WDPCP: variants seen among roughly 807,000 people sequenced by gnomAD.
WDPCP encodes WD repeat-containing and planar cell polarity effector protein fritz homolog.
Under a neutral mutation model 93.1 loss-of-function variants are expected in WDPCP, and 71 were observed. That is an observed-to-expected ratio of 0.76 (90% CI 0.63 to 0.93). The LOEUF (loss-of-function observed/expected upper bound fraction) is 0.93, where lower values mean the gene tolerates loss of function less well. Among genes scored for constraint, WDPCP ranks in the 40% least tolerant of loss-of-function variants. The pLI is 0.00. For synonymous variants in WDPCP, 315 were observed against 315.0 expected (o/e 1.00, Z 0.00); for missense variants, 844 against 887.4 (o/e 0.95, Z 0.62).
intron 8 of WDPCP, among the ~76,000 whole-genome samples, chr2:63,436,442 T>G (rs1335565859): frequency 6.6e-6 from 1 of 152,112 alleles, no homozygotes; most frequent in East Asian, 1.9e-4. Context: ...AATCCTCCCA[T>G]GCTACCACCA....
intron 2 of WDPCP, among the ~76,000 whole-genome samples, chr2:63,690,401 C>T (rs1233005745): frequency 9.9e-5 from 15 of 151,928 alleles, no homozygotes; most frequent in Admixed American, 9.2e-4. Context: ...TTTTTCACAC[C>T]ATCCCAGTAA....
chr2:63,434,410 AC>A (rs1172940082), intron 8 of WDPCP, among the ~76,000 whole-genome samples: 8 of 152,346 alleles, frequency 5.3e-5, no homozygotes, highest in Middle Eastern at 6.8e-3. Context: ...TGCGACGTAT[AC>A]ACATATATTC....
chr2:63,142,915 CATACAT>C (rs1352776659), intron 17 of WDPCP, among the ~76,000 whole-genome samples: 12 of 132,194 alleles, frequency 9.1e-5, no homozygotes, highest in Non-Finnish European at 1.6e-4. Context: ...TATATATACA[CATACAT>C]ATACACACAC....
rs2104564759 is a variant in WDPCP at position 63,352,426 on chromosome 2, T to A, written c.1748+25960A>T. 2.6e-5 allele frequency among the ~76,000 whole-genome samples: 4 copies of A among 152,356 alleles called. No individual in the cohort carries two copies. In the South Asian group the frequency reaches 8.3e-4, roughly 32 times the overall value. The stretch of plus-strand genomic sequence containing the variant: ...CAACAAATTCATGAGATTACAGTGA[T>A]AAATTAATGTATGGCAATAAATATG... On this transcript the variant is annotated intron_variant, in intron 12 of 17. Transcript: ENST00000272321.
intron 2 of WDPCP, among the ~76,000 whole-genome samples, chr2:63,801,458 A>G (rs538010978): frequency 3.3e-5 from 5 of 152,278 alleles, no homozygotes; most frequent in Admixed American, 3.3e-4. Flanking sequence ...CATGAAGAGC[A>G]AAAGAACAAA....
chr2:63,272,318 A>G (rs1488182644), intron 13 of WDPCP, among the ~76,000 whole-genome samples: 2 of 152,114 alleles, frequency 1.3e-5, no homozygotes, highest in Admixed American at 6.5e-5. Context: ...AACCTACCCA[A>G]CCAACACTAT....
At chr2:63,231,864 C>A (rs1270120230) in intron 14 of WDPCP, among the ~76,000 whole-genome samples, 1 of 152,162 alleles carries the variant, frequency 6.6e-6, no homozygotes, top group South Asian at 2.1e-4. Flanking sequence ...AAAGAGCCCA[C>A]ATTGCCAAGA....
At chr2:63,317,001 T>G (rs1469477753) in intron 12 of WDPCP, among the ~76,000 whole-genome samples, 1 of 152,062 alleles carries the variant, frequency 6.6e-6, no homozygotes, top group Non-Finnish European at 1.5e-5. Context: ...AGGTGAAAGA[T>G]CTCTACAATG....
At chr2:63,597,392 T>C (rs763798440) in intron 3 of WDPCP, 3 of 1,364,894 alleles carry the variant, frequency 2.2e-6, no homozygotes, top group Non-Finnish European at 1.9e-6. Flanking sequence ...TATTGCCATG[T>C]CCACAGATGT....
At chr2:63,736,532 G>A (rs1669642512) in intron 2 of WDPCP, among the ~76,000 whole-genome samples, 3 of 152,282 alleles carry the variant, frequency 2.0e-5, no homozygotes, top group African/African-American at 2.4e-5. Context: ...CACCAAATAT[G>A]TTTTTAATAG....
chr2:63,242,625 A>T (rs1027396373), intron 14 of WDPCP, among the ~76,000 whole-genome samples: 21 of 152,186 alleles, frequency 1.4e-4, no homozygotes, highest in Admixed American at 5.2e-4. Context: ...TTGTCTCTAA[A>T]AAATAAATAA....
chr2:63,632,691 T>C (rs1239680623), intron 3 of WDPCP, among the ~76,000 whole-genome samples: 1 of 151,918 alleles, frequency 6.6e-6, no homozygotes, highest in Non-Finnish European at 1.5e-5. Flanking sequence ...AAAAGGAAAT[T>C]TTTAAAAGTG....
intron 1 of WDPCP, among the ~76,000 whole-genome samples, chr2:63,499,995 T>C (rs971325281): frequency 2.0e-5 from 3 of 152,196 alleles, no homozygotes; most frequent in Non-Finnish European, 4.4e-5. Context: ...TCTTAAACTG[T>C]GATTCAACTT....
intron 13 of WDPCP, among the ~76,000 whole-genome samples, chr2:63,281,139 A>C (rs1435645387): frequency 2.6e-5 from 4 of 152,138 alleles, no homozygotes; most frequent in East Asian, 1.9e-4. Context: ...AGAAAAAAAA[A>C]CCCAACAATC....
chr2:63,702,438 TA>T (rs1451956551), intron 2 of WDPCP, among the ~76,000 whole-genome samples: 1 of 152,192 alleles, frequency 6.6e-6, no homozygotes, highest in Admixed American at 6.5e-5. Context: ...AAGTAGAATT[TA>T]AAAAAGTTTT....
At chr2:63,498,610 T>C (rs1261137951) in intron 1 of WDPCP, among the ~76,000 whole-genome samples, 1 of 152,150 alleles carries the variant, frequency 6.6e-6, no homozygotes, top group Non-Finnish European at 1.5e-5. Flanking sequence ...TTTTGAAAAA[T>C]AAATGTTTTA....
At chr2:63,458,309 A>G (rs970378966) in intron 6 of WDPCP, among the ~76,000 whole-genome samples, 1 of 152,034 alleles carries the variant, frequency 6.6e-6, no homozygotes, top group Non-Finnish European at 1.5e-5. Flanking sequence ...ACATGATTTT[A>G]TATCTAGAAA....
In WDPCP at chr2:63,404,401, A is replaced by T; in HGVS notation, c.1082T>A (p.Leu361Gln). ...KLILGCEDSS[L>Q]ILYETHRRVT... Reference sequence around the variant, plus strand: ...TCTACGGTGAGTTTCATAAAGAATTAGCGAAGAATCTTCACAGCCCAGAAT... The same window carrying T: ...TCTACGGTGAGTTTCATAAAGAATTTGCGAAGAATCTTCACAGCCCAGAAT... The change falls in exon 10 of 18, where the codon CTA becomes CAA. Residue 361 changes from leucine to glutamine, a missense_variant. Transcript: ENST00000272321. The T allele has an allele frequency of 6.2e-7, 1 of 1,614,194 alleles. No homozygotes were observed. Among genetic ancestry groups the T allele is most frequent in the South Asian group, 1.1e-5 (1 of 91,092 alleles).
intron 3 of WDPCP, among the ~76,000 whole-genome samples, chr2:63,631,743 T>C (rs1709866936): frequency 6.6e-6 from 1 of 152,174 alleles, no homozygotes; most frequent in Non-Finnish European, 1.5e-5. Flanking sequence ...ATAGGGGCTA[T>C]CTTTATCAGC....
Sources: allele counts gnomAD v4.1 joint callset (sites outside exome capture counted in the v4.1 genomes callset), GRCh38; gene constraint gnomAD v4.1.1; transcripts MANE v1.5; gene names NCBI Gene and HGNC (gene_info 2026-07-23, HGNC 2026-07-21).